The following MAP3K13 variants were observed in gnomAD, a reference collection of about 807,000 sequenced individuals.
MAP3K13 encodes leucine zipper-bearing kinase.
Under a neutral mutation model 104.0 loss-of-function variants are expected in MAP3K13, and 52 were observed. The ratio of observed to expected loss-of-function variants is 0.50; its 90% CI spans 0.40 to 0.63. The LOEUF (loss-of-function observed/expected upper bound fraction) is 0.63, where lower values mean the gene tolerates loss of function less well. MAP3K13 is among the 20% of genes least tolerant of loss of function. The pLI, the probability that MAP3K13 is intolerant of heterozygous loss-of-function variation, is 0.00. For synonymous variants in MAP3K13, 394 were observed against 442.2 expected (o/e 0.89, Z 1.37); for missense variants, 914 against 1,218.5 (o/e 0.75, Z 3.72).
intron 11 of MAP3K13, among the ~76,000 whole-genome samples, chr3:185,474,077 A>C (rs184078049): frequency 2.3e-4 from 35 of 152,202 alleles, no homozygotes; most frequent in African/African-American, 7.2e-4. Flanking sequence ...AATCCCAGCA[A>C]TTTGGGAGGC....
At chr3:185,338,034 C>T (rs1349323278) in intron 2 of MAP3K13, among the ~76,000 whole-genome samples, 1 of 151,916 alleles carries the variant, frequency 6.6e-6, no homozygotes, top group Non-Finnish European at 1.5e-5. Context: ...TAGGAATAAA[C>T]ATGAAAAGCA....
intron 1 of MAP3K13, among the ~76,000 whole-genome samples, chr3:185,427,794 A>G (rs1358521687): frequency 6.6e-6 from 1 of 152,132 alleles, no homozygotes; most frequent in Non-Finnish European, 1.5e-5. Flanking sequence ...GATTAAAAAG[A>G]TAGGCCGGGC....
At chr3:185,421,636 T>C (rs533501510) in intron 1 of MAP3K13, among the ~76,000 whole-genome samples, 1 of 152,322 alleles carries the variant, frequency 6.6e-6, no homozygotes, top group East Asian at 1.9e-4. Context: ...TAATTTATAC[T>C]AGTTTTGATT....
rs770336517 is a variant in MAP3K13, at chr3:185,395,357, C to CTTTTTTTTTTTTTTTTTTTTT, written c.-86+32008_-86+32009insTTTTTTTTTTTTTTTTTTTTT. On this transcript the variant is annotated intron_variant, in intron 1 of 13. Transcript: ENST00000265026. Reference sequence around the variant, plus strand: ...AGGCATTTCTAATTCAATATTATTTCTTTTTTTTTTTTTTTTTTTGAGACG... The same window carrying CTTTTTTTTTTTTTTTTTTTTT: ...AGGCATTTCTAATTCAATATTATTTCTTTTTTTTTTTTTTTTTTTTTTTTTTTTTTTTTTTTTTTTGAGACG... 8.6e-5 allele frequency among the ~76,000 whole-genome samples: 6 copies of CTTTTTTTTTTTTTTTTTTTTT among 69,978 alleles called. 2 individuals carry two copies. The highest frequency in any genetic ancestry group is 5.3e-4 in the East Asian group (1 of 1,874). The allele number at this position is 69,978 out of a possible 152,430, so 45.9% of individuals were successfully genotyped here.
At chr3:185,474,134 C>T (rs573691901) in intron 11 of MAP3K13, among the ~76,000 whole-genome samples, 1 of 152,160 alleles carries the variant, frequency 6.6e-6, no homozygotes, top group Non-Finnish European at 1.5e-5. Context: ...ACCATCCTGG[C>T]CAACATGGTG....
In MAP3K13 at chr3:185,482,518, C is replaced by T. The variant is rs1718524566; in HGVS notation, c.*62C>T. The T allele has an allele frequency of 8.3e-7, 1 of 1,202,362 alleles. No homozygotes were observed. The highest frequency in any genetic ancestry group is 1.2e-6 in the Non-Finnish European group (1 of 813,322). 74.5% of individuals were successfully genotyped at this position (1,202,362 alleles called of 1,614,324 possible). On this transcript the variant is annotated 3_prime_UTR_variant, in exon 14 of 14. Transcript: ENST00000265026. The surrounding 1 kb of genome is among the most constrained non-coding windows in gnomAD (Gnocchi z 4.5). ...CTGGCATTTCAGATCCACCCCACCC[C>T]CAGACTCATCCCACTCTCTCCCAGC... is the stretch of plus-strand genomic sequence containing the variant.
intron 2 of MAP3K13, among the ~76,000 whole-genome samples, chr3:185,320,405 A>G (rs1178718525): frequency 1.3e-5 from 2 of 152,194 alleles, no homozygotes; most frequent in African/African-American, 4.8e-5. Flanking sequence ...TTAGTGTAGA[A>G]AGGCAAACCT....
At chr3:185,442,038 CA>C (rs749288252) in intron 3 of MAP3K13, among the ~76,000 whole-genome samples, 2,810 of 107,430 alleles carry the variant, frequency 0.026, 27 homozygotes, top group Middle Eastern at 0.056. Flanking sequence ...GACTCTGTCT[CA>C]AAAAAAAAAA....
chr3:185,393,590 C>T (rs941159378), intron 1 of MAP3K13, among the ~76,000 whole-genome samples: 1 of 151,932 alleles, frequency 6.6e-6, no homozygotes, highest in Non-Finnish European at 1.5e-5. Context: ...TCCTGAGTAG[C>T]TGGGACTACA....
chr3:185,434,985 TTTTGTTTG>T (rs376998066), intron 2 of MAP3K13, among the ~76,000 whole-genome samples: 1 of 151,768 alleles, frequency 6.6e-6, no homozygotes, highest in African/African-American at 2.4e-5. Context: ...TTATTTTTGT[TTTTGTTTG>T]TTTGTTTGTT....
At chr3:185,429,139 C>T in intron 2 of MAP3K13, 83 bp downstream of exon 2, 1 of 1,348,922 alleles carries the variant, frequency 7.4e-7, no homozygotes, top group Middle Eastern at 1.9e-4. Flanking sequence ...GCTGGATAAC[C>T]TATGACCTTT....
exon 2 of MAP3K13, chr3:185,285,543 C>T: frequency 7.4e-7 from 1 of 1,347,454 alleles, no homozygotes. Flanking sequence ...AATCTATGGA[C>T]TCTAAAATGG....
chr3:185,451,233 T>C, intron 6 of MAP3K13, 54 bp from the exon 7 acceptor site: 1 of 1,283,752 alleles, frequency 7.8e-7, no homozygotes, highest in South Asian at 1.3e-5. Flanking sequence ...AATAAAATCT[T>C]CATTCTCCTG....
chr3:185,476,366 A>AC (rs1718128884), intron 11 of MAP3K13: 1 of 151,910 alleles, frequency 6.6e-6, no homozygotes, highest in African/African-American at 2.4e-5. Context: ...TAAAAAAAAA[A>AC]AAAAAAAAAA....
intron 10 of MAP3K13, among the ~76,000 whole-genome samples, chr3:185,471,370 T>C: frequency 7.3e-6 from 1 of 137,884 alleles, no homozygotes; most frequent in South Asian, 2.4e-4. Flanking sequence ...GGTCTCAAAC[T>C]CCTGGCCTCA....
chr3:185,309,888 G>A (rs1427692526), intron 2 of MAP3K13, among the ~76,000 whole-genome samples: 2 of 152,138 alleles, frequency 1.3e-5, no homozygotes, highest in African/African-American at 4.8e-5. Context: ...CAAGAGGTTG[G>A]GGTAGGGGCA....
intron 7 of MAP3K13, among the ~76,000 whole-genome samples, chr3:185,458,383 A>G (rs1160847822): frequency 1.3e-5 from 2 of 151,822 alleles, no homozygotes; most frequent in Non-Finnish European, 2.9e-5. Context: ...AAAAAAAAAA[A>G]AAGATGTCAT....
chr3:185,287,825 C>T (rs1018390079), intron 2 of MAP3K13, among the ~76,000 whole-genome samples: 5 of 152,060 alleles, frequency 3.3e-5, no homozygotes, highest in Non-Finnish European at 5.9e-5. Flanking sequence ...CACCTGAGGT[C>T]GGGAGTTCGA....
At chr3:185,415,113 C>T (rs1577528513) in intron 1 of MAP3K13, among the ~76,000 whole-genome samples, 1 of 152,084 alleles carries the variant, frequency 6.6e-6, no homozygotes, top group African/African-American at 2.4e-5. Context: ...AGCACACTAT[C>T]CATCACTTCC....
Sources: gnomAD v4.1 joint callset for allele counts (sites outside exome capture counted in the v4.1 genomes callset) on GRCh38, gnomAD v4.1.1 for gene constraint, Gnocchi (gnomAD v3.1) non-coding constraint, MANE v1.5 for transcripts, NCBI Gene and HGNC (gene_info 2026-07-23, HGNC 2026-07-21) for gene names.